Variants in KANSL1L observed in about 807,000 individuals in gnomAD.
KANSL1L encodes the protein KAT8 regulatory NSL complex subunit 1-like protein.
In KANSL1L, 25 loss-of-function variants were observed where a neutral mutation model predicts 108.6. That is an observed-to-expected ratio of 0.23 (90% confidence interval 0.17 to 0.32). KANSL1L has a LOEUF of 0.32. KANSL1L is among the 10% of genes least tolerant of loss of function. KANSL1L has a pLI of 1.00. For synonymous variants in KANSL1L, 405 were observed against 395.1 expected, an observed-to-expected ratio of 1.03 and a Z score of -0.30; for missense variants, 1,137 against 1,125.7, an observed-to-expected ratio of 1.01 and a Z score of -0.14.
At chr2:210,159,819 A>G (rs2095352166) in intron 1 of KANSL1L, among the ~76,000 whole-genome samples, 1 of 152,232 alleles carries the variant, frequency 6.6e-6, no homozygotes, top group South Asian at 2.1e-4. Context: ...TGGGAGGCCG[A>G]GGCAGGCGGA....
chr2:210,029,962 T>A, intron 9 of KANSL1L, 44 bp from the exon 10 acceptor site: 1 of 900,152 alleles, frequency 1.1e-6, no homozygotes, highest in South Asian at 1.7e-5. Context: ...TAAACAAGTC[T>A]AATATCATTA....
intron 13 of KANSL1L, 87 bp from the exon 14 acceptor site, chr2:210,024,288 A>C: frequency 9.8e-7 from 1 of 1,024,818 alleles, no homozygotes; most frequent in South Asian, 2.0e-5. Context: ...CACTGAGTCA[A>C]GTTAACTTGG....
At chr2:210,109,087 T>C (rs1022739742) in intron 3 of KANSL1L, among the ~76,000 whole-genome samples, 4 of 152,148 alleles carry the variant, frequency 2.6e-5, no homozygotes, top group Non-Finnish European at 5.9e-5. Flanking sequence ...CATACTGAGA[T>C]GTCACTTTCT....
intron 1 of KANSL1L, among the ~76,000 whole-genome samples, chr2:210,155,761 CA>C (rs2095329737): frequency 6.6e-6 from 1 of 152,090 alleles, no homozygotes; most frequent in South Asian, 2.1e-4. Context: ...ATGTCATTAA[CA>C]ATTATAAGCT....
chr2:210,126,824 A>G (rs1366698587), intron 3 of KANSL1L, among the ~76,000 whole-genome samples: 1 of 152,188 alleles, frequency 6.6e-6, no homozygotes, highest in African/African-American at 2.4e-5. Flanking sequence ...TCTCAAAAAT[A>G]TATATAAATA....
chr2:210,031,910 T>C (rs1221685670), intron 8 of KANSL1L, among the ~76,000 whole-genome samples: 1 of 152,188 alleles, frequency 6.6e-6, no homozygotes, highest in Non-Finnish European at 1.5e-5. Flanking sequence ...AGATTCAACA[T>C]GGTCAGACTA....
intron 13 of KANSL1L, 64 bp downstream of exon 13, chr2:210,025,039 TC>T: frequency 9.8e-7 from 1 of 1,024,730 alleles, no homozygotes; most frequent in Non-Finnish European, 1.5e-6. Context: ...CACCCAAAAT[TC>T]ATGCAGAGGT....
chr2:210,139,162 A>G (rs1408055434), intron 2 of KANSL1L, among the ~76,000 whole-genome samples: 5 of 152,168 alleles, frequency 3.3e-5, no homozygotes, highest in Non-Finnish European at 7.4e-5. Context: ...CTCACCTTAA[A>G]GTTGAAAAAT....
rs1559503586 is a variant in KANSL1L at position 210,035,302 on chromosome 2, T to C, written c.2030-3756A>G. 2.6e-5 allele frequency: 4 copies of C among 152,172 alleles called. No homozygotes were observed. The South Asian group carries it at 6.2e-4, about 24-fold the overall frequency. 9.4% of individuals were successfully genotyped at this position (152,172 alleles called of 1,614,324 possible). A position where few individuals can be genotyped will look rare whatever the true frequency, so the allele number is the denominator to read the frequency against. ...GTATTCCTCATGATTAAACTAGTCA[T>C]CCATTCACTTTTCAACCCACTACAG... On this transcript the variant is annotated intron_variant, in intron 8 of 14. Coordinates refer to ENST00000281772, the MANE Select transcript of KANSL1L (RefSeq NM_152519.4).
chr2:210,156,948 C>T (rs752382499), intron 1 of KANSL1L, among the ~76,000 whole-genome samples: 11 of 148,962 alleles, frequency 7.4e-5, no homozygotes, highest in East Asian at 2.0e-4. Context: ...TATATAATGC[C>T]TCAAAAATAA....
chr2:210,105,461 A>T (rs926467934), intron 3 of KANSL1L, among the ~76,000 whole-genome samples: 1 of 150,224 alleles, frequency 6.7e-6, no homozygotes, highest in African/African-American at 2.4e-5. Context: ...CTAAAATACT[A>T]TATTATTGTA....
chr2:210,025,081 G>A (rs753389048), intron 13 of KANSL1L, 23 bp downstream of exon 13: 1 of 1,402,626 alleles, frequency 7.1e-7, no homozygotes, highest in Non-Finnish European at 1.0e-6. Flanking sequence ...TCTATGGCTT[G>A]GGGTTTTAAA....
At chr2:210,095,784 T>C (rs1234275924) in intron 5 of KANSL1L, among the ~76,000 whole-genome samples, 1 of 152,140 alleles carries the variant, frequency 6.6e-6, no homozygotes, top group Non-Finnish European at 1.5e-5. Context: ...GATCACTTTC[T>C]CTTTGATAAA....
At position 210,050,359 on chromosome 2, in the gene KANSL1L, A is replaced by G. The variant is rs147691110; in HGVS notation, c.1756-6255T>C. On this transcript the variant is annotated intron_variant, in intron 6 of 14. Transcript: ENST00000281772. ...ATAAATGGTCTAAGCACTTCTAATT[A>G]AAAGGCAGAAACTTCAGATTGGATA... Among the ~76,000 whole-genome samples, 328 of 152,330 alleles carry G rather than the reference A, an allele frequency of 2.2e-3. 3 individuals carry two copies. The highest frequency in any genetic ancestry group is 3.4e-3 in the Middle Eastern group (1 of 294).
At chr2:210,116,126 A>G (rs2094951643) in intron 3 of KANSL1L, among the ~76,000 whole-genome samples, 1 of 152,212 alleles carries the variant, frequency 6.6e-6, no homozygotes, top group African/African-American at 2.4e-5. Flanking sequence ...TTGGGCCTTT[A>G]GTAAACATTG....
At position 210,153,521 on chromosome 2, in the gene KANSL1L, T is replaced by C. The variant is rs1392447985; in HGVS notation, c.1062A>G (p.Glu354=). ...CTGCCACATTTTTTCTAAGGGTATATTCATCCAAATCGTCATCAGAGCTGC... is the reference window on the plus strand; with the variant it reads ...CTGCCACATTTTTTCTAAGGGTATACTCATCCAAATCGTCATCAGAGCTGC... The part of the protein sequence containing the change: ...TDSSSDDDLD[E]YTLRKNVAVN... Residue 354 remains glutamate (E), a synonymous_variant, in exon 2 of 15, where the codon GAA becomes GAG. Transcript: ENST00000281772. The C allele has an allele frequency of 6.2e-7, 1 of 1,614,154 alleles. No individual in the cohort carries two copies. The highest frequency in any genetic ancestry group is 8.5e-7 in the Non-Finnish European group (1 of 1,180,008).
chr2:210,153,879 A>C lies in KANSL1L; in HGVS notation c.704T>G (p.Leu235Arg), dbSNP rs2095318504. 1 of 1,612,480 alleles carries C rather than the reference A, an allele frequency of 6.2e-7. No homozygotes were observed. The highest frequency in any genetic ancestry group is 1.3e-5 in the African/African-American group (1 of 74,800). Residue 235 changes from leucine to arginine, a missense_variant, in exon 2 of 15, where the codon CTT (leucine) becomes CGT (arginine). By Grantham distance (102) the Leu-to-Arg change is moderately radical. Transcript: ENST00000281772. ...LHCVSKQKIL[L>R]SQARRTQKHL... ...TTTCTGAGTTCTTCTAGCCTGGCTA[A>C]GTAAAATTTTCTGTTTGCTTACACA...
intron 3 of KANSL1L, among the ~76,000 whole-genome samples, chr2:210,114,176 G>A (rs2094933211): frequency 1.3e-5 from 2 of 151,892 alleles, no homozygotes; most frequent in South Asian, 2.1e-4. Flanking sequence ...TCTTGAAAGC[G>A]GCAAGAGAGA....
chr2:210,082,703 T>C (rs963729270), intron 5 of KANSL1L, among the ~76,000 whole-genome samples: 1 of 152,234 alleles, frequency 6.6e-6, no homozygotes, highest in Non-Finnish European at 1.5e-5. Context: ...TAGGGACTTA[T>C]TCAACATACA....
Sources: allele counts gnomAD v4.1 joint callset (sites outside exome capture counted in the v4.1 genomes callset), GRCh38; gene constraint gnomAD v4.1.1; transcripts MANE v1.5; gene names NCBI Gene and HGNC (gene_info 2026-07-23, HGNC 2026-07-21).